Variants in FKBP3 observed in about 807,000 individuals in gnomAD.
FKBP3 encodes the protein peptidyl-prolyl cis-trans isomerase FKBP3.
In FKBP3, 21 loss-of-function variants were observed where a neutral mutation model predicts 30.6. That is an observed-to-expected ratio of 0.69 (90% CI 0.49 to 0.99). The LOEUF (loss-of-function observed/expected upper bound fraction) is 0.99. Among genes scored for constraint, FKBP3 ranks in the 50% least tolerant of loss-of-function variants. The pLI is 0.00. For synonymous variants in FKBP3, 82 were observed against 91.3 expected, an observed-to-expected ratio of 0.90 and a Z score of 0.58; for missense variants, 283 against 261.6, an observed-to-expected ratio of 1.08 and a Z score of -0.56.
At chr14:45,132,242 C>T (rs150846369) in intron 1 of FKBP3, among the ~76,000 whole-genome samples, 114 of 152,204 alleles carry the variant, frequency 7.5e-4, no homozygotes, top group African/African-American at 2.6e-3. Context: ...GTTGACTAAA[C>T]GGAAGTAATC....
chr14:45,127,194 A>G (rs1446250906), intron 3 of FKBP3, among the ~76,000 whole-genome samples: 3 of 148,340 alleles, frequency 2.0e-5, no homozygotes, highest in African/African-American at 5.1e-5. Flanking sequence ...GCTCACTGCA[A>G]CCTCCGCCTC....
At chr14:45,122,464 T>C (rs1885006492) in intron 3 of FKBP3, among the ~76,000 whole-genome samples, 1 of 152,196 alleles carries the variant, frequency 6.6e-6, no homozygotes, top group Non-Finnish European at 1.5e-5. Context: ...GTTCCTGAGT[T>C]TGAAAAGCAA....
chr14:45,132,462 A>G (rs953450429), intron 1 of FKBP3, among the ~76,000 whole-genome samples: 60 of 152,060 alleles, frequency 3.9e-4, no homozygotes, highest in African/African-American at 1.3e-3. Context: ...CAGTGGCCCA[A>G]TCTCGGCCCA....
At chr14:45,128,998 A>C (rs1029665573) in intron 3 of FKBP3, among the ~76,000 whole-genome samples, 20 of 152,228 alleles carry the variant, frequency 1.3e-4, no homozygotes, top group African/African-American at 4.1e-4. Flanking sequence ...ATAAACATTA[A>C]TTTGTGCTTT....
At chr14:45,125,946 C>G (rs926534736) in intron 3 of FKBP3, among the ~76,000 whole-genome samples, 6 of 150,754 alleles carry the variant, frequency 4.0e-5, no homozygotes, top group Admixed American at 3.9e-4. Flanking sequence ...GCCACCTAGG[C>G]AGTGCAGTGG....
intron 6 of FKBP3, among the ~76,000 whole-genome samples, chr14:45,116,648 G>T (rs1299100073): frequency 6.6e-6 from 1 of 152,018 alleles, no homozygotes; most frequent in Non-Finnish European, 1.5e-5. Context: ...CTGAGGTCAG[G>T]AGTTTGTGAC....
At chr14:45,130,558 A>G in intron 2 of FKBP3, 141 bp downstream of exon 2, 1 of 502,558 alleles carries the variant, frequency 2.0e-6, no homozygotes, top group South Asian at 3.3e-5. Flanking sequence ...TTTGACAGCT[A>G]GTCCACTTAT....
At chr14:45,120,472 T>A (rs1884960638) in intron 5 of FKBP3, among the ~76,000 whole-genome samples, 1 of 152,116 alleles carries the variant, frequency 6.6e-6, no homozygotes, top group Non-Finnish European at 1.5e-5. Flanking sequence ...GGGACAGATA[T>A]TTTACCTTTG....
At chr14:45,128,974 G>A (rs1482530607) in intron 3 of FKBP3, among the ~76,000 whole-genome samples, 2 of 152,118 alleles carry the variant, frequency 1.3e-5, no homozygotes, top group Non-Finnish European at 2.9e-5. Context: ...ACTGCTTTGT[G>A]TGCACATATA....
intron 3 of FKBP3, among the ~76,000 whole-genome samples, chr14:45,122,725 G>A (rs1186636349): frequency 2.0e-5 from 3 of 151,732 alleles, no homozygotes; most frequent in East Asian, 3.9e-4. Flanking sequence ...GGATGGTCTC[G>A]AACTCCAGAC....
rs1425039645 is a variant in FKBP3, at chr14:45,120,942, T to C, written c.467A>G (p.Lys156Arg). 2 of 1,613,150 alleles carry C rather than the reference T, an allele frequency of 1.2e-6. No homozygotes were observed. Among genetic ancestry groups the C allele is most frequent in the East Asian group, 2.2e-5 (1 of 44,798 alleles). Residue 156 changes from lysine (K) to arginine (R), a missense_variant, in exon 5 of 7, where the codon AAG (lysine) becomes AGG (arginine). By Grantham distance (26) the Lys-to-Arg change is conservative. Coordinates refer to ENST00000396062, the MANE Select transcript of FKBP3 (RefSeq NM_002013.4). ...AAAACTTAAAGGCTTGGCATTTTTCTTCTTCTTTGCACCTGTAAAACAGAT... is the reference window on the plus strand; with the variant it reads ...AAAACTTAAAGGCTTGGCATTTTTCCTCTTCTTTGCACCTGTAAAACAGAT... ...DTNIQTSAKK[K>R]KNAKPLSFKV... is the part of the protein sequence containing the mutation.
chr14:45,124,361 A>T (rs762686746), intron 3 of FKBP3, among the ~76,000 whole-genome samples: 9 of 152,052 alleles, frequency 5.9e-5, no homozygotes, highest in Non-Finnish European at 1.3e-4. Flanking sequence ...TGAAACCCTC[A>T]TCTCTACTAA....
At chr14:45,128,244 G>A (rs1885142295) in intron 3 of FKBP3, among the ~76,000 whole-genome samples, 1 of 152,202 alleles carries the variant, frequency 6.6e-6, no homozygotes, top group Non-Finnish European at 1.5e-5. Context: ...GGCTGAGGCA[G>A]GAGAATCACT....
intron 2 of FKBP3, 29 bp from the exon 3 acceptor site, chr14:45,129,930 C>T (rs781729063): frequency 6.9e-6 from 10 of 1,452,196 alleles, no homozygotes; most frequent in East Asian, 4.6e-5. Flanking sequence ...AACATCATAC[C>T]CAGGACAGGC....
chr14:45,121,640 C>G lies in FKBP3; in HGVS notation c.319-20G>C. 6.2e-7 allele frequency: 1 copy of G among 1,602,914 alleles called. No homozygotes were observed. Among genetic ancestry groups the G allele is most frequent in the Non-Finnish European group, 8.5e-7 (1 of 1,178,474 alleles). ...TGGACCCTAAAAACAAAAAACAACA[C>G]ACACACACAGAGTTATTAATTTGTG... On this transcript the variant is annotated intron_variant, in intron 3 of 6. Coordinates refer to ENST00000396062, the MANE Select transcript of FKBP3 (RefSeq NM_002013.4).
At chr14:45,128,094 T>C (rs1566707360) in intron 3 of FKBP3, among the ~76,000 whole-genome samples, 1 of 152,170 alleles carries the variant, frequency 6.6e-6, no homozygotes, top group Non-Finnish European at 1.5e-5. Flanking sequence ...CCCAACACTT[T>C]GGAAGGCCTA....
rs1361520794 is a variant in FKBP3 at position 45,116,134 on chromosome 14, A to G, written c.*64T>C. The G allele has an allele frequency of 8.4e-7, 1 of 1,192,544 alleles. No homozygotes were observed. Among genetic ancestry groups the G allele is most frequent in the Admixed American group, 1.7e-5 (1 of 57,940 alleles). The allele number at this position is 1,192,544 out of a possible 1,614,324, so 73.9% of individuals were successfully genotyped here. ...AGTAACAAGTTCTAACTAGTTGTGT[A>G]AATTTCTTCAAGGCCAAGTTTTATC... is the stretch of plus-strand genomic sequence containing the variant. On this transcript the variant is annotated 3_prime_UTR_variant, in exon 7 of 7. Transcript: ENST00000396062.
chr14:45,123,446 CAA>C (rs1193572252), intron 3 of FKBP3, among the ~76,000 whole-genome samples: 1 of 151,510 alleles, frequency 6.6e-6, no homozygotes, highest in Non-Finnish European at 1.5e-5. Flanking sequence ...GCCAACGCCT[CAA>C]GATGAAGATA....
At chr14:45,124,217 G>C (rs955377180) in intron 3 of FKBP3, among the ~76,000 whole-genome samples, 4 of 152,088 alleles carry the variant, frequency 2.6e-5, no homozygotes, top group African/African-American at 4.8e-5. Context: ...TCTCAGTAGA[G>C]CAGGTGCATA....
Sources: allele counts gnomAD v4.1 joint callset (sites outside exome capture counted in the v4.1 genomes callset), GRCh38; gene constraint gnomAD v4.1.1; transcripts MANE v1.5; gene names NCBI Gene and HGNC (gene_info 2026-07-23, HGNC 2026-07-21).